COLGALT1: variants seen among roughly 807,000 people sequenced by gnomAD.
The protein encoded by COLGALT1 is collagen beta(1-O)galactosyltransferase 1.
In COLGALT1, 43 loss-of-function variants were observed where a neutral mutation model predicts 60.8. The ratio of observed to expected loss-of-function variants is 0.71; its 90% CI spans 0.55 to 0.91. The LOEUF is 0.91. Among genes scored for constraint, COLGALT1 ranks in the 40% least tolerant of loss-of-function variants. The pLI, the probability that COLGALT1 is intolerant of heterozygous loss-of-function variation, is 0.00. For missense variants in COLGALT1, 845 were observed against 880.0 expected, an observed-to-expected ratio of 0.96 and a Z score of 0.50; for synonymous variants, 369 against 374.2, an observed-to-expected ratio of 0.99 and a Z score of 0.16.
rs572655280 is a variant in COLGALT1 at position 17,567,422 on chromosome 19, A to G, written c.506A>G (p.Asn169Ser). 6.2e-6 allele frequency: 10 copies of G among 1,613,808 alleles called. No individual in the cohort carries two copies. Among genetic ancestry groups the G allele is most frequent in the African/African-American group, 2.7e-5 (2 of 75,030 alleles). Residue 169 changes from asparagine to serine, a missense_variant, in exon 4 of 12, where the codon AAC (asparagine) becomes AGC (serine). Transcript: ENST00000252599. ...GTTCTGCAGTTTGTAGATGCGGACAACCTGATCCTCAACCCTGACACACTG... is the reference window on the plus strand; with the variant it reads ...GTTCTGCAGTTTGTAGATGCGGACAGCCTGATCCTCAACCCTGACACACTG... Reference protein sequence around the residue: ...ADYILFVDADNLILNPDTLSL... With the variant: ...ADYILFVDADSLILNPDTLSL...
chr19:17,579,918 G>C (rs1457712587), intron 10 of COLGALT1: 2 of 363,960 alleles, frequency 5.5e-6, no homozygotes, highest in East Asian at 9.1e-5. Flanking sequence ...GAGGGCTCAC[G>C]TGGTTCCTGG....
In COLGALT1 at chr19:17,580,871, G is replaced by A. The variant is rs1283590940; in HGVS notation, c.1567G>A (p.Glu523Lys). Residue 523 changes from glutamate (E) to lysine (K), a missense_variant, in exon 11 of 12, where the codon GAG becomes AAG. By Grantham distance (56) the Glu-to-Lys change is moderately conservative. Transcript: ENST00000252599. ...EPLSKMLPVD[E>K]FLPVMFDKHP... Reference sequence around the variant, plus strand: ...GCTCTCCAAGATGCTGCCTGTGGACGAGTTCCTGCCCGTCATGTTCGACAA... The same window carrying A: ...GCTCTCCAAGATGCTGCCTGTGGACAAGTTCCTGCCCGTCATGTTCGACAA... 3 of 1,613,856 alleles carry A rather than the reference G, an allele frequency of 1.9e-6. No homozygotes were observed. Among genetic ancestry groups the A allele is most frequent in the South Asian group, 1.1e-5 (1 of 91,054 alleles).
chr19:17,578,800 C>A (rs916975428), intron 9 of COLGALT1, among the ~76,000 whole-genome samples: 1 of 152,002 alleles, frequency 6.6e-6, no homozygotes, highest in East Asian at 1.9e-4. Flanking sequence ...CACCTTAGGT[C>A]AGGAGTTCAA....
Position 17,555,870 on chromosome 19 carries a change from C to A in COLGALT1, c.157C>A (p.Arg53Ser). 1.4e-6 allele frequency: 2 copies of A among 1,380,152 alleles called. No individual in the cohort carries two copies. Among genetic ancestry groups the A allele is most frequent in the South Asian group, 1.5e-5 (1 of 65,948 alleles). 85.5% of individuals were successfully genotyped at this position (1,380,152 alleles called of 1,614,324 possible). ...WSPESPLQAP[R>S]VLIALLARNA... ...CCCGGAGTCGCCCCTGCAGGCGCCG[C>A]GCGTGCTCATCGCGCTGTTGGCGCG... The change falls in exon 1 of 12, where the codon CGC becomes AGC. Residue 53 changes from arginine (R) to serine (S), a missense_variant. Arg to Ser is a moderately radical substitution (Grantham distance 110). Coordinates refer to ENST00000252599, the MANE Select transcript of COLGALT1 (RefSeq NM_024656.4).
intron 6 of COLGALT1, among the ~76,000 whole-genome samples, chr19:17,575,977 C>G (rs2076338280): frequency 6.6e-6 from 1 of 152,186 alleles, no homozygotes; most frequent in Admixed American, 6.5e-5. Flanking sequence ...AGTGCATGAT[C>G]TCATGACATC....
In COLGALT1 at chr19:17,559,316, C is replaced by A; in HGVS notation, c.266C>A (p.Ala89Asp). Reference protein sequence around the residue: ...HPRERTALWVATDHNMDNTST... With the variant: ...HPRERTALWVDTDHNMDNTST... ...CCTGTCCCCTCTCCCTGCAGGGTGGCTACGGACCACAACATGGATAACACG... is the reference window on the plus strand; with the variant it reads ...CCTGTCCCCTCTCCCTGCAGGGTGGATACGGACCACAACATGGATAACACG... The change falls in exon 2 of 12, where the codon GCT (alanine) becomes GAT (aspartate). Residue 89 changes from alanine to aspartate, a missense_variant. Coordinates refer to ENST00000252599, the MANE Select transcript of COLGALT1 (RefSeq NM_024656.4). 6.4e-7 allele frequency: 1 copy of A among 1,551,626 alleles called. No homozygotes were observed. The highest frequency in any genetic ancestry group is 8.7e-7 in the Non-Finnish European group (1 of 1,146,814).
At chr19:17,558,987 C>A (rs1037276119) in intron 1 of COLGALT1, among the ~76,000 whole-genome samples, 1 of 151,940 alleles carries the variant, frequency 6.6e-6, no homozygotes, top group African/African-American at 2.4e-5. Flanking sequence ...GGTGAAACCC[C>A]GTCTCTACTA....
chr19:17,575,047 GT>G (rs1042143202), intron 6 of COLGALT1, among the ~76,000 whole-genome samples: 10 of 151,722 alleles, frequency 6.6e-5, no homozygotes, highest in African/African-American at 9.7e-5. Context: ...TAGGTTTTTG[GT>G]TTTTTTGGTT....
intron 2 of COLGALT1, 149 bp downstream of exon 2, chr19:17,559,570 T>C: frequency 1.5e-6 from 1 of 648,572 alleles, no homozygotes; most frequent in African/African-American, 1.8e-5. Context: ...TGAGCCTCCC[T>C]CAGCTTTACA....
chr19:17,578,573 G>T (rs949733048), intron 9 of COLGALT1, among the ~76,000 whole-genome samples: 7 of 152,208 alleles, frequency 4.6e-5, no homozygotes, highest in African/African-American at 1.7e-4. Context: ...ATCAGGGCCG[G>T]GCATGGTGGC....
At chr19:17,574,389 G>T (rs1416615684) in intron 6 of COLGALT1, among the ~76,000 whole-genome samples, 7 of 151,740 alleles carry the variant, frequency 4.6e-5, no homozygotes, top group Non-Finnish European at 1.0e-4. Flanking sequence ...GAATGCAGTG[G>T]CGCATTCTGG....
intron 5 of COLGALT1, among the ~76,000 whole-genome samples, chr19:17,570,592 G>T (rs1176750984): frequency 1.3e-5 from 2 of 151,800 alleles, no homozygotes; most frequent in Non-Finnish European, 1.5e-5. Flanking sequence ...TTGACACAGG[G>T]TCTCCCTCCG....
At chr19:17,556,171 G>GC (rs2076209964) in intron 1 of COLGALT1, among the ~76,000 whole-genome samples, 198 bp downstream of exon 1, 1 of 151,948 alleles carries the variant, frequency 6.6e-6, no homozygotes, top group Non-Finnish European at 1.5e-5. Flanking sequence ...GTCCACGCGT[G>GC]CCCCCTGCCT....
Position 17,560,546 on chromosome 19 carries a change from A to G in COLGALT1, c.489+81A>G, listed in dbSNP as rs575064406. On this transcript the variant is annotated intron_variant, in intron 3 of 11. Transcript: ENST00000252599. ...GAAGGCGGAGCAGCAGGATGCCAGG[A>G]CCATCCTTAATGTTGTTTTGCAGAA... is the stretch of plus-strand genomic sequence containing the variant. The G allele has an allele frequency of 3.0e-5, 33 of 1,116,002 alleles. No homozygotes were observed. The South Asian group carries it at 4.0e-4, about 14-fold the overall frequency. The allele number at this position is 1,116,002 out of a possible 1,614,324, so 69.1% of individuals were successfully genotyped here. A position where few individuals can be genotyped will look rare whatever the true frequency, so the allele number is the denominator to read the frequency against.
rs1599800942 is a variant in COLGALT1, at chr19:17,582,470, T to C, written c.*1026T>C. The stretch of plus-strand genomic sequence containing the variant: ...CTCATTGGCTTCTTTCCCACACACC[T>C]GAAGAGCACTGACTGTGTGCCGGGC... On this transcript the variant is annotated 3_prime_UTR_variant, in exon 12 of 12. Coordinates refer to ENST00000252599, the MANE Select transcript of COLGALT1 (RefSeq NM_024656.4). The C allele has an allele frequency of 6.6e-6, 1 of 152,228 alleles. No homozygotes were observed. The highest frequency in any genetic ancestry group is 1.5e-5 in the Non-Finnish European group (1 of 68,038). 9.4% of individuals were successfully genotyped at this position (152,228 alleles called of 1,614,324 possible).
intron 3 of COLGALT1, among the ~76,000 whole-genome samples, chr19:17,566,880 G>A (rs1399369650): frequency 2.0e-5 from 3 of 152,172 alleles, no homozygotes; most frequent in South Asian, 4.1e-4. Context: ...TTGAGAGGCC[G>A]AGGTGGACGA....
chr19:17,577,142 G>T, intron 6 of COLGALT1, 53 bp from the exon 7 acceptor site: 1 of 1,575,028 alleles, frequency 6.3e-7, no homozygotes, highest in South Asian at 1.1e-5. Context: ...GCGTGTTGGA[G>T]AGAGGCTGGA....
In COLGALT1 at chr19:17,568,719, TA is replaced by T; in HGVS notation, c.829+7del. 6.2e-7 allele frequency: 1 copy of T among 1,614,026 alleles called. No homozygotes were observed. Among genetic ancestry groups the T allele is most frequent in the South Asian group, 1.1e-5 (1 of 91,084 alleles). On this transcript the variant is annotated splice_region_variant and intron_variant, in intron 5 of 11. Coordinates refer to ENST00000252599, the MANE Select transcript of COLGALT1 (RefSeq NM_024656.4). ...CTTCTCCTGCAAGCAGGCAGGTACG[TA>T]CATGAGGGGTCTGCCATCGCAGGGG...
intron 6 of COLGALT1, among the ~76,000 whole-genome samples, chr19:17,575,851 C>T (rs945371716): frequency 4.6e-5 from 7 of 152,140 alleles, no homozygotes; most frequent in Non-Finnish European, 8.8e-5. Flanking sequence ...TTAGGGCCCA[C>T]CCTAATGACC....
Sources: gnomAD v4.1 joint callset for allele counts (sites outside exome capture counted in the v4.1 genomes callset) on GRCh38, gnomAD v4.1.1 for gene constraint, MANE v1.5 for transcripts, NCBI Gene and HGNC (gene_info 2026-07-23, HGNC 2026-07-21) for gene names.